Variants in SDHAF3 observed in about 807,000 individuals in gnomAD.
SDHAF3 encodes succinate dehydrogenase assembly factor 3, mitochondrial.
SDHAF3 carries 18 observed loss-of-function variants against 11.5 expected under a neutral mutation model. The ratio of observed to expected loss-of-function variants is 1.56; its 90% CI spans 1.08 to 2.32. The LOEUF (loss-of-function observed/expected upper bound fraction) is 2.32. Ranked by LOEUF, SDHAF3 falls within the 30% of genes most tolerant of loss-of-function variation. The pLI is 0.00. For missense variants in SDHAF3, 200 were observed against 154.4 expected, an observed-to-expected ratio of 1.30 and a Z score of -1.57; for synonymous variants, 72 against 59.3, an observed-to-expected ratio of 1.21 and a Z score of -0.99.
Position 97,153,237 on chromosome 7 carries a change from G to C in SDHAF3, c.175-27775G>C, listed in dbSNP as rs189908735. ...TTTTTGCAAAGGTGGTTTCTCCACTGATCTGTGTACTCTCACCCTAGTTTT... is the reference window on the plus strand; with the variant it reads ...TTTTTGCAAAGGTGGTTTCTCCACTCATCTGTGTACTCTCACCCTAGTTTT... On this transcript the variant is annotated intron_variant, in intron 1 of 1. Transcript: ENST00000432641. Among the ~76,000 whole-genome samples the C allele has an allele frequency of 1.7e-3, 255 of 152,310 alleles. 1 individual carries two copies. Among genetic ancestry groups the C allele is most frequent in the African/African-American group, 5.7e-3 (235 of 41,552 alleles).
At chr7:97,168,135 C>T (rs931525743) in intron 1 of SDHAF3, among the ~76,000 whole-genome samples, 2 of 152,116 alleles carry the variant, frequency 1.3e-5, no homozygotes, top group Non-Finnish European at 1.5e-5. Flanking sequence ...CTCTTTTTGC[C>T]TAATGAATTC....
intron 1 of SDHAF3, among the ~76,000 whole-genome samples, chr7:97,133,919 CACAA>C (rs143014504): frequency 0.013 from 2,005 of 152,242 alleles, 44 homozygotes; most frequent in African/African-American, 0.046. Context: ...GTTATAAACA[CACAA>C]ACAAAAACCC....
chr7:97,154,350 A>G (rs925121702), intron 1 of SDHAF3, among the ~76,000 whole-genome samples: 30 of 152,222 alleles, frequency 2.0e-4, no homozygotes, highest in African/African-American at 6.8e-4. Context: ...GCAGGTCACA[A>G]TGGCTTAGCT....
chr7:97,166,352 A>G (rs1789504295), intron 1 of SDHAF3, among the ~76,000 whole-genome samples: 1 of 152,194 alleles, frequency 6.6e-6, no homozygotes, highest in East Asian at 1.9e-4. Flanking sequence ...GAAAGCGGGA[A>G]GAACTCAAAT....
At chr7:97,126,862 A>G (rs1486130339) in intron 1 of SDHAF3, among the ~76,000 whole-genome samples, 1 of 148,946 alleles carries the variant, frequency 6.7e-6, no homozygotes, top group Non-Finnish European at 1.5e-5. Context: ...AAAAAAAAAA[A>G]CCCTGCAGCT....
chr7:97,130,533 C>G (rs947689857), intron 1 of SDHAF3, among the ~76,000 whole-genome samples: 4 of 152,092 alleles, frequency 2.6e-5, no homozygotes, highest in Non-Finnish European at 5.9e-5. Flanking sequence ...TCAGCTTGTT[C>G]ATGTTACAGC....
At chr7:97,178,982 G>A (rs1789730404) in intron 1 of SDHAF3, among the ~76,000 whole-genome samples, 1 of 152,002 alleles carries the variant, frequency 6.6e-6, no homozygotes, top group Non-Finnish European at 1.5e-5. Flanking sequence ...CTTATATTTA[G>A]GTCTTTGATT....
At chr7:97,172,578 C>G (rs539932220) in intron 1 of SDHAF3, among the ~76,000 whole-genome samples, 11 of 152,102 alleles carry the variant, frequency 7.2e-5, no homozygotes, top group African/African-American at 2.7e-4. Context: ...TTTTGTATGT[C>G]AGTTATATAA....
intron 1 of SDHAF3, among the ~76,000 whole-genome samples, chr7:97,169,743 T>TA (rs1444064704): frequency 6.6e-6 from 1 of 152,040 alleles, no homozygotes. Context: ...ATAAAAAATG[T>TA]AAAAAAAGAA....
At chr7:97,179,198 CTATT>C (rs1455154098) in intron 1 of SDHAF3, among the ~76,000 whole-genome samples, 3 of 152,182 alleles carry the variant, frequency 2.0e-5, no homozygotes, top group African/African-American at 7.2e-5. Context: ...TGTTATATAT[CTATT>C]CTAATGCCAG....
chr7:97,179,459 A>C (rs1425331145), intron 1 of SDHAF3, among the ~76,000 whole-genome samples: 1 of 150,966 alleles, frequency 6.6e-6, no homozygotes, highest in Admixed American at 6.6e-5. Context: ...TTTCTATTGA[A>C]GTACAATTAT....
intron 1 of SDHAF3, among the ~76,000 whole-genome samples, chr7:97,174,852 A>G (rs190576817): frequency 1.2e-3 from 180 of 152,178 alleles, no homozygotes; most frequent in Non-Finnish European, 2.2e-3. Context: ...TAAAGTTGCT[A>G]TTTTTCCTTT....
At chr7:97,141,490 C>T (rs1789040488) in intron 1 of SDHAF3, among the ~76,000 whole-genome samples, 1 of 152,090 alleles carries the variant, frequency 6.6e-6, no homozygotes, top group Admixed American at 6.6e-5. Flanking sequence ...TACTCTTTCC[C>T]TTTATTTCTC....
intron 1 of SDHAF3, among the ~76,000 whole-genome samples, chr7:97,162,461 A>G (rs571331938): frequency 1.3e-5 from 2 of 151,940 alleles, no homozygotes; most frequent in East Asian, 1.9e-4. Context: ...CTAGTTCTCT[A>G]ATTCTTTTAA....
At chr7:97,119,490 C>T (rs572554294) in intron 1 of SDHAF3, among the ~76,000 whole-genome samples, 4 of 152,288 alleles carry the variant, frequency 2.6e-5, no homozygotes, top group South Asian at 2.1e-4. Flanking sequence ...TTTAGACATA[C>T]AGAAGAGTTA....
At chr7:97,167,751 A>G (rs959753854) in intron 1 of SDHAF3, among the ~76,000 whole-genome samples, 4 of 152,164 alleles carry the variant, frequency 2.6e-5, no homozygotes, top group African/African-American at 9.6e-5. Context: ...TGGGGGGCCC[A>G]CAGATCAGAT....
chr7:97,176,851 G>A (rs528682144), intron 1 of SDHAF3, among the ~76,000 whole-genome samples: 22 of 152,138 alleles, frequency 1.4e-4, no homozygotes, highest in Admixed American at 3.3e-4. Flanking sequence ...GGAAAGTTAT[G>A]TATTCACCAC....
intron 1 of SDHAF3, among the ~76,000 whole-genome samples, chr7:97,169,332 A>G (rs913622378): frequency 2.6e-5 from 4 of 151,398 alleles, no homozygotes; most frequent in Non-Finnish European, 5.9e-5. Context: ...TAATATCATG[A>G]TCGTCTGCTT....
At chr7:97,135,603 CTGTG>C (rs368986011) in intron 1 of SDHAF3, 66 of 112,452 alleles carry the variant, frequency 5.9e-4, no homozygotes, top group Non-Finnish European at 9.4e-4. Flanking sequence ...GTGTGTGTGT[CTGTG>C]TGTGTGTGTG....
Sources: allele counts gnomAD v4.1 joint callset (sites outside exome capture counted in the v4.1 genomes callset), GRCh38; gene constraint gnomAD v4.1.1; transcripts MANE v1.5; gene names NCBI Gene and HGNC (gene_info 2026-07-23, HGNC 2026-07-21).